The following SLC14A2 variants were observed in gnomAD, a reference collection of about 807,000 sequenced individuals.
SLC14A2 encodes the protein solute carrier family 14 member 2.
In SLC14A2, 91 loss-of-function variants were observed where a neutral mutation model predicts 104.6. That is an observed-to-expected ratio of 0.87 (90% CI 0.73 to 1.04). The LOEUF is 1.04. SLC14A2 is among the 50% of genes least tolerant of loss of function. The probability of loss-of-function intolerance (pLI) is 0.00; values close to 1 mark genes in which losing one functional copy is unlikely to be tolerated. For synonymous variants in SLC14A2, 476 were observed against 466.4 expected, an observed-to-expected ratio of 1.02 and a Z score of -0.27; for missense variants, 1,189 against 1,156.0, an observed-to-expected ratio of 1.03 and a Z score of -0.41.
At chr18:45,326,523 C>T (rs938852566) in intron 1 of SLC14A2, among the ~76,000 whole-genome samples, 5 of 152,230 alleles carry the variant, frequency 3.3e-5, no homozygotes, top group Non-Finnish European at 5.9e-5. Context: ...TCCCCAACTC[C>T]TCTGCCCCTT....
the SLC14A2 span, among the ~76,000 whole-genome samples, chr18:45,199,268 C>T: frequency 1.6e-3 from 237 of 152,170 alleles, 3 homozygotes; most frequent in South Asian, 0.012. Flanking sequence ...TCTGAAGGCT[C>T]CTGTGTCTTT....
intron 1 of SLC14A2, among the ~76,000 whole-genome samples, chr18:45,335,202 C>A (rs2085327159): frequency 6.6e-6 from 1 of 152,164 alleles, no homozygotes; most frequent in Non-Finnish European, 1.5e-5. Context: ...CCACTCCAAG[C>A]AGCCTCTGAT....
intron 1 of SLC14A2, among the ~76,000 whole-genome samples, chr18:45,621,136 A>G (rs1347404272): frequency 6.6e-6 from 1 of 152,174 alleles, no homozygotes; most frequent in Non-Finnish European, 1.5e-5. Flanking sequence ...AGGGCCAGGG[A>G]TGCTGTATCA....
chr18:45,472,650 G>A (rs1384070135), intron 1 of SLC14A2, among the ~76,000 whole-genome samples: 1 of 152,122 alleles, frequency 6.6e-6, no homozygotes, highest in Non-Finnish European at 1.5e-5. Flanking sequence ...TTTTTCATAT[G>A]TTTGTTGGTC....
At chr18:45,248,007 C>G (rs2084383856) in intron 1 of SLC14A2, among the ~76,000 whole-genome samples, 1 of 152,170 alleles carries the variant, frequency 6.6e-6, no homozygotes, top group Non-Finnish European at 1.5e-5. Flanking sequence ...TAAACTGGCT[C>G]TGGTTGAATT....
intron 2 of SLC14A2, among the ~76,000 whole-genome samples, chr18:45,583,175 T>C (rs2044521205): frequency 2.6e-5 from 4 of 152,208 alleles, no homozygotes; most frequent in Admixed American, 2.6e-4. Flanking sequence ...AAATCCTCTT[T>C]CACTATCATT....
rs182710233 is a variant in SLC14A2, at chr18:45,351,017, G to A, written c.-124-132216G>A. Among the ~76,000 whole-genome samples the A allele has an allele frequency of 3.3e-5, 5 of 152,234 alleles. No homozygotes were observed. The East Asian group carries it at 5.8e-4, about 18-fold the overall frequency. ...GAAATCTCAGCACTCCTGGCCTGACGTTCCTAACTCCACACCGTCTCTCCC... is the reference window on the plus strand; with the variant it reads ...GAAATCTCAGCACTCCTGGCCTGACATTCCTAACTCCACACCGTCTCTCCC... On this transcript the variant is annotated intron_variant, in intron 1 of 20. Transcript: ENST00000586448.
At chr18:45,557,730 G>T (rs1276046014) in intron 2 of SLC14A2, among the ~76,000 whole-genome samples, 5 of 152,058 alleles carry the variant, frequency 3.3e-5, no homozygotes, top group Admixed American at 3.3e-4. Flanking sequence ...CCCTTATTTT[G>T]CCTGTTCTGC....
At chr18:45,309,381 G>A (rs1037883009) in intron 1 of SLC14A2, among the ~76,000 whole-genome samples, 4 of 151,196 alleles carry the variant, frequency 2.6e-5, no homozygotes, top group African/African-American at 9.7e-5. Context: ...CTAGGCTGGA[G>A]TGGTGCAATC....
intron 1 of SLC14A2, among the ~76,000 whole-genome samples, chr18:45,438,608 C>G (rs1005543291): frequency 3.3e-5 from 5 of 152,194 alleles, no homozygotes; most frequent in African/African-American, 9.7e-5. Flanking sequence ...TTAAAACAAA[C>G]CTATCCCGCT....
intron 1 of SLC14A2, among the ~76,000 whole-genome samples, chr18:45,268,781 C>G (rs1018979907): frequency 6.6e-6 from 1 of 151,926 alleles, no homozygotes; most frequent in Non-Finnish European, 1.5e-5. Flanking sequence ...AAAGGTTGAG[C>G]CTTATATGAC....
Position 45,541,843 on chromosome 18 carries a change from G to A in SLC14A2, c.-35+58521G>A, listed in dbSNP as rs1349504416. ...ATGAGATATAATTTCCAGATGGGCA[G>A]GTGTCAAGGACACCCTGTTTACTGT... On this transcript the variant is annotated intron_variant, in intron 2 of 20. Coordinates refer to the SLC14A2 transcript ENST00000586448. 2.6e-5 allele frequency among the ~76,000 whole-genome samples: 4 copies of A among 152,218 alleles called. No homozygotes were observed. In the South Asian group the frequency reaches 8.3e-4, roughly 32 times the overall value.
intron 1 of SLC14A2, among the ~76,000 whole-genome samples, chr18:45,432,722 C>CCAGTA: frequency 6.6e-6 from 1 of 152,202 alleles, no homozygotes; most frequent in East Asian, 1.9e-4. Flanking sequence ...TTGAGTCTTC[C>CCAGTA]CAGTACAGGG....
At chr18:45,343,002 C>T (rs150124579) in intron 1 of SLC14A2, among the ~76,000 whole-genome samples, 4 of 152,282 alleles carry the variant, frequency 2.6e-5, no homozygotes, top group Admixed American at 2.6e-4. Context: ...ACCATTGTCC[C>T]TGTTCTCCAA....
At chr18:45,462,416 C>T (rs2087062331) in intron 1 of SLC14A2, among the ~76,000 whole-genome samples, 1 of 152,172 alleles carries the variant, frequency 6.6e-6, no homozygotes, top group Non-Finnish European at 1.5e-5. Context: ...TCTAGCAGGG[C>T]CCATAAATTC....
the SLC14A2 span, among the ~76,000 whole-genome samples, chr18:45,197,115 A>G: frequency 3.3e-5 from 5 of 152,356 alleles, no homozygotes; most frequent in Admixed American, 6.5e-5. Flanking sequence ...TTTATCTTCC[A>G]TCATGTCCAC....
intron 4 of SLC14A2, among the ~76,000 whole-genome samples, chr18:45,628,393 G>A (rs894074995): frequency 2.0e-5 from 3 of 150,092 alleles, no homozygotes; most frequent in Non-Finnish European, 4.4e-5. Context: ...GCAGTTAGCC[G>A]AGATCGCACC....
intron 2 of SLC14A2, among the ~76,000 whole-genome samples, chr18:45,494,925 C>CACAT (rs2043067483): frequency 6.7e-6 from 1 of 150,354 alleles, no homozygotes; most frequent in Non-Finnish European, 1.5e-5. Context: ...TACACACACA[C>CACAT]ACACACACAC....
chr18:45,658,290 C>T (rs1415284742), intron 10 of SLC14A2, among the ~76,000 whole-genome samples: 1 of 152,052 alleles, frequency 6.6e-6, no homozygotes, highest in Admixed American at 6.6e-5. Context: ...TGTTCAAAAC[C>T]TGAGAAAGGG....
Sources: gnomAD v4.1 joint callset for allele counts (sites outside exome capture counted in the v4.1 genomes callset) on GRCh38, gnomAD v4.1.1 for gene constraint, MANE v1.5 for transcripts, NCBI Gene and HGNC (gene_info 2026-07-23, HGNC 2026-07-21) for gene names.